CWC27: variants seen among roughly 807,000 people sequenced by gnomAD.
The protein encoded by CWC27 is spliceosome-associated protein CWC27 homolog.
Under a neutral mutation model 63.6 loss-of-function variants are expected in CWC27, and 47 were observed. That is an observed-to-expected ratio of 0.74 (90% CI 0.58 to 0.94). The LOEUF (loss-of-function observed/expected upper bound fraction) is 0.94. Ranked by LOEUF, CWC27 falls within the 40% of genes least tolerant of loss-of-function variation. CWC27 has a pLI of 0.00. For synonymous variants in CWC27, 175 were observed against 179.8 expected (o/e 0.97, Z 0.22); for missense variants, 495 against 554.3 (o/e 0.89, Z 1.07).
chr5:64,918,650 G>T (rs1337393234), intron 11 of CWC27, among the ~76,000 whole-genome samples: 2 of 152,092 alleles, frequency 1.3e-5, no homozygotes, highest in Admixed American at 1.3e-4. Flanking sequence ...ATTATTCTAA[G>T]ATACAAAAAT....
rs200392628 is a variant in CWC27 at position 64,882,441 on chromosome 5, A to AT, written c.939-3001dup. 8.5e-3 allele frequency among the ~76,000 whole-genome samples: 1,289 copies of AT among 152,354 alleles called. 18 individuals carry two copies. Among genetic ancestry groups the AT allele is most frequent in the Middle Eastern group, 0.031 (9 of 294 alleles). On this transcript the variant is annotated intron_variant, in intron 10 of 13. Coordinates refer to ENST00000381070, the MANE Select transcript of CWC27 (RefSeq NM_005869.4). Reference sequence around the variant, plus strand: ...AGGCTAGTCTCAATTGAGATTTGCTATAAGTGTAAAATGCACACTGTATTT... The same window carrying AT: ...AGGCTAGTCTCAATTGAGATTTGCTATTAAGTGTAAAATGCACACTGTATTT...
chr5:64,974,804 A>G (rs1243113295), intron 12 of CWC27, among the ~76,000 whole-genome samples: 2 of 152,248 alleles, frequency 1.3e-5, no homozygotes, highest in Non-Finnish European at 2.9e-5. Context: ...TGGTAGGATA[A>G]TAGTTATTTT....
chr5:64,960,064 C>G (rs747248717), intron 11 of CWC27, among the ~76,000 whole-genome samples: 1 of 151,866 alleles, frequency 6.6e-6, no homozygotes, highest in African/African-American at 2.4e-5. Context: ...ACTGTTTGGT[C>G]TTTTTTTTCC....
intron 10 of CWC27, among the ~76,000 whole-genome samples, chr5:64,828,574 C>A (rs1332299839): frequency 6.6e-6 from 1 of 152,002 alleles, no homozygotes. Flanking sequence ...CTTGAGACCT[C>A]TCTTGGGCCT....
At chr5:64,833,751 A>G (rs543709882) in intron 10 of CWC27, among the ~76,000 whole-genome samples, 1 of 151,844 alleles carries the variant, frequency 6.6e-6, no homozygotes, top group African/African-American at 2.4e-5. Context: ...TTTGCCACAC[A>G]ATGTAGGAGA....
intron 7 of CWC27, among the ~76,000 whole-genome samples, chr5:64,791,454 C>T (rs1561408410): frequency 1.3e-5 from 2 of 149,726 alleles, no homozygotes; most frequent in African/African-American, 2.5e-5. Flanking sequence ...ATAGTGCTGT[C>T]TTTTTTTTTT....
At chr5:64,796,421 T>C (rs1744266098) in intron 7 of CWC27, among the ~76,000 whole-genome samples, 1 of 152,064 alleles carries the variant, frequency 6.6e-6, no homozygotes. Flanking sequence ...GGCTGGAAAC[T>C]CAGGCAGGGT....
intron 11 of CWC27, among the ~76,000 whole-genome samples, chr5:64,961,009 A>G (rs1299418199): frequency 6.6e-6 from 1 of 152,108 alleles, no homozygotes; most frequent in Non-Finnish European, 1.5e-5. Context: ...GGGTATAAGT[A>G]TAAGCTCTTT....
chr5:64,910,833 C>T (rs1371635061), intron 11 of CWC27, among the ~76,000 whole-genome samples: 1 of 151,808 alleles, frequency 6.6e-6, no homozygotes, highest in Admixed American at 6.6e-5. Context: ...GCAGGAGTGT[C>T]CCATTTTTCC....
intron 11 of CWC27, among the ~76,000 whole-genome samples, chr5:64,919,792 G>T (rs1747962311): frequency 6.6e-6 from 1 of 152,138 alleles, no homozygotes; most frequent in Non-Finnish European, 1.5e-5. Flanking sequence ...GTCCTTGTCT[G>T]TTCTTGCTTT....
chr5:64,866,839 A>G (rs530707549), intron 10 of CWC27, among the ~76,000 whole-genome samples: 39 of 152,224 alleles, frequency 2.6e-4, no homozygotes, highest in African/African-American at 9.4e-4. Context: ...AGACCGTTTC[A>G]TATGCATTTG....
intron 9 of CWC27, 109 bp downstream of exon 9, chr5:64,801,441 G>A: frequency 1.1e-6 from 1 of 915,950 alleles, no homozygotes; most frequent in Non-Finnish European, 1.5e-6. Flanking sequence ...TACTTTTATA[G>A]TTATATATGT....
chr5:64,805,274 G>T (rs1395908695), intron 10 of CWC27, among the ~76,000 whole-genome samples: 1 of 151,308 alleles, frequency 6.6e-6, no homozygotes. Flanking sequence ...ATTTAGAAAT[G>T]GTACTTAGGA....
At chr5:64,939,066 C>G in intron 11 of CWC27, among the ~76,000 whole-genome samples, 1 of 152,222 alleles carries the variant, frequency 6.6e-6, no homozygotes, top group South Asian at 2.1e-4. Flanking sequence ...TCCTTTAGCT[C>G]AAAGGAGTTT....
chr5:64,852,732 C>G (rs1746166102), intron 10 of CWC27, among the ~76,000 whole-genome samples: 1 of 151,652 alleles, frequency 6.6e-6, no homozygotes, highest in South Asian at 2.1e-4. Flanking sequence ...CTCGGCCTCC[C>G]AAAGTGCTGG....
intron 13 of CWC27, among the ~76,000 whole-genome samples, chr5:65,004,016 T>G (rs1167406429): frequency 6.6e-6 from 1 of 152,092 alleles, no homozygotes; most frequent in Non-Finnish European, 1.5e-5. Context: ...AGCTAATTTT[T>G]GTATTTTTAG....
At chr5:65,004,671 A>G (rs899410292) in intron 13 of CWC27, among the ~76,000 whole-genome samples, 1 of 150,048 alleles carries the variant, frequency 6.7e-6, no homozygotes, top group Admixed American at 6.6e-5. Flanking sequence ...TTTATTTTAA[A>G]TTCTTTTAGT....
At chr5:64,802,337 G>A (rs992991606) in intron 9 of CWC27, among the ~76,000 whole-genome samples, 1 of 152,184 alleles carries the variant, frequency 6.6e-6, no homozygotes, top group African/African-American at 2.4e-5. Context: ...CTGCAAGCAG[G>A]CCAGCGTGAA....
At chr5:64,971,972 A>T (rs1051549316) in intron 12 of CWC27, among the ~76,000 whole-genome samples, 160 bp downstream of exon 12, 15 of 152,224 alleles carry the variant, frequency 9.9e-5, no homozygotes, top group African/African-American at 3.6e-4. Context: ...CCACTCACAT[A>T]AAGATTCAAA....
Sources: gnomAD v4.1 joint callset for allele counts (sites outside exome capture counted in the v4.1 genomes callset) on GRCh38, gnomAD v4.1.1 for gene constraint, MANE v1.5 for transcripts, NCBI Gene and HGNC (gene_info 2026-07-23, HGNC 2026-07-21) for gene names.